Variants in APPBP2 observed in about 807,000 individuals in gnomAD.
The protein encoded by APPBP2 is amyloid beta precursor protein binding protein 2.
APPBP2 carries 15 observed loss-of-function variants against 76.0 expected under a neutral mutation model. The observed-to-expected ratio is 0.20, with a 90% CI of 0.13 to 0.30. The LOEUF is 0.30. APPBP2 is among the 10% of genes least tolerant of loss of function. The pLI is 1.00. For synonymous variants in APPBP2, 222 were observed against 242.2 expected (o/e 0.92, Z 0.77); for missense variants, 401 against 687.2 (o/e 0.58, Z 4.66).
At chr17:60,525,028 G>A (rs536316444) in intron 1 of APPBP2, among the ~76,000 whole-genome samples, 1 of 152,328 alleles carries the variant, frequency 6.6e-6, no homozygotes, top group South Asian at 2.1e-4. Flanking sequence ...TGGCTTGGGA[G>A]ACTTGCTGTT....
intron 6 of APPBP2, 81 bp from the exon 7 acceptor site, chr17:60,462,142 A>G (rs17501071): frequency 0.046 from 47,905 of 1,037,128 alleles, 1,257 homozygotes; most frequent in South Asian, 0.06. Context: ...TATTCTGGCT[A>G]TAAGAGTTAA....
At chr17:60,472,366 T>G (rs139266152) in intron 4 of APPBP2, among the ~76,000 whole-genome samples, 244 of 152,306 alleles carry the variant, frequency 1.6e-3, no homozygotes, top group African/African-American at 5.3e-3. Context: ...GATTTTCTAT[T>G]TCTTCTTGGG....
At chr17:60,490,134 G>T (rs556171127) in intron 3 of APPBP2, among the ~76,000 whole-genome samples, 1 of 152,302 alleles carries the variant, frequency 6.6e-6, no homozygotes, top group South Asian at 2.1e-4. Flanking sequence ...GATGGTGGTT[G>T]TACGACTCTA....
chr17:60,483,614 C>T (rs1238890587), intron 3 of APPBP2, among the ~76,000 whole-genome samples: 2 of 152,040 alleles, frequency 1.3e-5, no homozygotes, highest in Admixed American at 1.3e-4. Context: ...AGGATGGTCT[C>T]GATCTCCCGA....
chr17:60,516,324 T>C (rs1194680526), intron 1 of APPBP2, among the ~76,000 whole-genome samples: 2 of 152,234 alleles, frequency 1.3e-5, no homozygotes, highest in African/African-American at 4.8e-5. Flanking sequence ...TCAATTTTTG[T>C]GCATTTTAAG....
At position 60,495,482 on chromosome 17, in the gene APPBP2, A is replaced by G. The variant is rs1013699855; in HGVS notation, c.228-865T>C. Among the ~76,000 whole-genome samples, 4 of 123,684 alleles carry G rather than the reference A, an allele frequency of 3.2e-5. No individual in the cohort carries two copies. The East Asian group carries it at 7.4e-4, about 23-fold the overall frequency. 81.1% of individuals were successfully genotyped at this position (123,684 alleles called of 152,430 possible). Reference sequence around the variant, plus strand: ...TATTTATTTATTTATTTATTTATTTATGTTTTAGAGACAAGGTCCTGCTCT... The same window carrying G: ...TATTTATTTATTTATTTATTTATTTGTGTTTTAGAGACAAGGTCCTGCTCT... On this transcript the variant is annotated intron_variant, in intron 2 of 12. Transcript: ENST00000083182.
At chr17:60,515,893 G>C (rs1017648272) in intron 1 of APPBP2, among the ~76,000 whole-genome samples, 1 of 152,168 alleles carries the variant, frequency 6.6e-6, no homozygotes, top group Non-Finnish European at 1.5e-5. Context: ...AGCTGGGTGC[G>C]GTGGCTCACG....
chr17:60,491,235 G>A (rs1165926109), intron 3 of APPBP2, among the ~76,000 whole-genome samples: 1 of 152,164 alleles, frequency 6.6e-6, no homozygotes, highest in African/African-American at 2.4e-5. Flanking sequence ...GGAAACTGGA[G>A]TAAAGGTGAC....
rs146126547 is a variant in APPBP2 at position 60,491,162 on chromosome 17, G to A, written c.379+3304C>T. On this transcript the variant is annotated intron_variant, in intron 3 of 12. Coordinates refer to ENST00000083182, the MANE Select transcript of APPBP2 (RefSeq NM_006380.5). The stretch of plus-strand genomic sequence containing the variant: ...GTTGAATAGCTTTGATCAAAATGCT[G>A]ATAATGATATGGACAGTGAAATCCA... Among the ~76,000 whole-genome samples, 374 of 152,300 alleles carry A rather than the reference G, an allele frequency of 2.5e-3. 4 individuals carry two copies. The highest frequency in any genetic ancestry group is 0.01 in the Middle Eastern group (3 of 294).
chr17:60,493,438 A>G (rs1203240319), intron 3 of APPBP2, among the ~76,000 whole-genome samples: 1 of 152,122 alleles, frequency 6.6e-6, no homozygotes, highest in Non-Finnish European at 1.5e-5. Flanking sequence ...ATTAAACAAT[A>G]TTTTTCTACA....
intron 5 of APPBP2, 77 bp from the exon 6 acceptor site, chr17:60,464,187 T>A: frequency 9.2e-7 from 1 of 1,081,280 alleles, no homozygotes; most frequent in Non-Finnish European, 1.4e-6. Context: ...GACTGCAAAA[T>A]TTTTCTACAA....
chr17:60,463,910 A>G, intron 6 of APPBP2, 111 bp downstream of exon 6: 1 of 652,624 alleles, frequency 1.5e-6, no homozygotes. Flanking sequence ...AAACAGACCT[A>G]TGCCTACGGA....
intron 1 of APPBP2, among the ~76,000 whole-genome samples, chr17:60,505,482 A>AT (rs1024707581): frequency 6.0e-5 from 9 of 151,072 alleles, no homozygotes; most frequent in Non-Finnish European, 1.3e-4. Flanking sequence ...TGGCCAGCTC[A>AT]TTTTTTGTAT....
chr17:60,494,741 A>ATTT, intron 2 of APPBP2, 124 bp from the exon 3 acceptor site: 1 of 918,612 alleles, frequency 1.1e-6, no homozygotes, highest in Non-Finnish European at 1.5e-6. Flanking sequence ...GATAAAAAGC[A>ATTT]TTTTGCCTTA....
In APPBP2 at chr17:60,443,159, G is replaced by T. The variant is rs971384289; in HGVS notation, c.*4422C>A. 10 of 152,622 alleles carry T rather than the reference G, an allele frequency of 6.6e-5. No homozygotes were observed. The highest frequency in any genetic ancestry group is 2.4e-4 in the African/African-American group (10 of 41,444). The allele number at this position is 152,622 out of a possible 1,614,324, so 9.5% of individuals were successfully genotyped here. On this transcript the variant is annotated 3_prime_UTR_variant, in exon 13 of 13. Coordinates refer to ENST00000083182, the MANE Select transcript of APPBP2 (RefSeq NM_006380.5). ...AATTGGAAACAGATACACTATGAAT[G>T]CAGGAACACTATATTTATTAGGTCA...
intron 10 of APPBP2, among the ~76,000 whole-genome samples, chr17:60,454,806 A>C (rs931749323): frequency 2.0e-5 from 3 of 152,228 alleles, no homozygotes; most frequent in African/African-American, 7.2e-5. Flanking sequence ...ATTAAACGGA[A>C]GCACAAGGCA....
chr17:60,525,689 T>C, intron 1 of APPBP2, 105 bp downstream of exon 1: 4 of 1,534,502 alleles, frequency 2.6e-6, no homozygotes, highest in African/African-American at 1.4e-5. Flanking sequence ...GAGGCAAGTC[T>C]GCCGGAAGGG....
At chr17:60,513,662 G>A (rs2090938142) in intron 1 of APPBP2, 1 of 197,284 alleles carries the variant, frequency 5.1e-6, no homozygotes, top group Non-Finnish European at 1.0e-5. Flanking sequence ...AGGAGTTCGA[G>A]ACCAGCCTGG....
At chr17:60,460,906 G>A in intron 8 of APPBP2, 119 bp from the exon 9 acceptor site, 2 of 980,508 alleles carry the variant, frequency 2.0e-6, no homozygotes. Flanking sequence ...TTGAAGCCCA[G>A]AAAGTCCTGC....
Sources: allele counts gnomAD v4.1 joint callset (sites outside exome capture counted in the v4.1 genomes callset), GRCh38; gene constraint gnomAD v4.1.1; transcripts MANE v1.5; gene names NCBI Gene and HGNC (gene_info 2026-07-23, HGNC 2026-07-21).